HS2ST1: variants seen among roughly 807,000 people sequenced by gnomAD.
HS2ST1 encodes 2-O-sulfotransferase.
A neutral mutation model predicts 42.9 loss-of-function variants in HS2ST1; 18 were observed. The ratio of observed to expected loss-of-function variants is 0.42; its 90% CI spans 0.29 to 0.62. HS2ST1 has a LOEUF of 0.62. Among genes scored for constraint, HS2ST1 ranks in the 20% least tolerant of loss-of-function variants. The pLI is 0.21. For synonymous variants in HS2ST1, 146 were observed against 152.9 expected (o/e 0.95, Z 0.33); for missense variants, 334 against 433.8 (o/e 0.77, Z 2.04).
At chr1:86,956,329 C>A (rs1024702668) in intron 1 of HS2ST1, among the ~76,000 whole-genome samples, 1 of 152,184 alleles carries the variant, frequency 6.6e-6, no homozygotes, top group Non-Finnish European at 1.5e-5. Context: ...AGAGAACCTG[C>A]AGGCAAAGCC....
chr1:87,094,640 G>A (rs1205734290), intron 4 of HS2ST1, among the ~76,000 whole-genome samples: 3 of 151,930 alleles, frequency 2.0e-5, no homozygotes, highest in East Asian at 1.9e-4. Context: ...CATGTCACTC[G>A]ACATTTTTCT....
chr1:87,013,969 G>A (rs1649678726), intron 1 of HS2ST1, among the ~76,000 whole-genome samples: 1 of 152,124 alleles, frequency 6.6e-6, no homozygotes, highest in African/African-American at 2.4e-5. Context: ...CTCTATCTGA[G>A]ATGAGCAGCA....
At position 87,104,603 on chromosome 1, in the gene HS2ST1, C is replaced by T; in HGVS notation, c.978C>T (p.Phe326=). ...FYEFALEQFQ[F]IRAHAVREKD... The stretch of plus-strand genomic sequence containing the variant: ...AATTTGCACTAGAGCAGTTCCAATT[C>T]ATCAGAGCCCATGCCGTTCGAGAAA... Residue 326 remains phenylalanine, a synonymous_variant, in exon 7 of 7, where the codon TTC becomes TTT. Coordinates refer to ENST00000370550, the MANE Select transcript of HS2ST1 (RefSeq NM_012262.4). The T allele has an allele frequency of 6.2e-7, 1 of 1,613,372 alleles. No individual in the cohort carries two copies. The highest frequency in any genetic ancestry group is 8.5e-7 in the Non-Finnish European group (1 of 1,179,366).
intron 1 of HS2ST1, among the ~76,000 whole-genome samples, chr1:87,048,880 A>G (rs934395978): frequency 5.9e-5 from 9 of 152,136 alleles, no homozygotes; most frequent in East Asian, 1.9e-4. Context: ...TTTTGCCTCT[A>G]TAAGGGATTT....
chr1:86,960,648 A>G, intron 1 of HS2ST1, among the ~76,000 whole-genome samples: 1 of 152,224 alleles, frequency 6.6e-6, no homozygotes, highest in East Asian at 1.9e-4. Flanking sequence ...GAGAAGATAT[A>G]CAGATGGCAA....
chr1:87,026,202 C>T (rs1336557357), intron 1 of HS2ST1, among the ~76,000 whole-genome samples: 1 of 152,182 alleles, frequency 6.6e-6, no homozygotes, highest in Non-Finnish European at 1.5e-5. Context: ...ATACAGTTCC[C>T]AGTGAAGTCA....
At chr1:87,045,895 C>A in intron 1 of HS2ST1, 1 of 700,192 alleles carries the variant, frequency 1.4e-6, no homozygotes, top group Non-Finnish European at 2.7e-6. Context: ...CCTTAAGAAC[C>A]TTGTGCTCAC....
chr1:87,080,356 A>G (rs1481775537), intron 2 of HS2ST1, among the ~76,000 whole-genome samples: 2 of 152,206 alleles, frequency 1.3e-5, no homozygotes, highest in African/African-American at 4.8e-5. Flanking sequence ...GAAATAAACA[A>G]TTGAGAGAGT....
At chr1:87,009,822 C>T (rs1649544175) in intron 1 of HS2ST1, among the ~76,000 whole-genome samples, 1 of 151,976 alleles carries the variant, frequency 6.6e-6, no homozygotes, top group Non-Finnish European at 1.5e-5. Flanking sequence ...ATCACGAGGT[C>T]AGGAGATCGA....
intron 1 of HS2ST1, among the ~76,000 whole-genome samples, chr1:87,027,531 CAT>C (rs1650118698): frequency 6.6e-6 from 1 of 152,038 alleles, no homozygotes; most frequent in Non-Finnish European, 1.5e-5. Context: ...AACATTATCA[CAT>C]AATTTTATAC....
intron 1 of HS2ST1, among the ~76,000 whole-genome samples, chr1:87,018,132 CCACACACACACA>C (rs56401098): frequency 2.3e-4 from 34 of 149,326 alleles, no homozygotes; most frequent in Middle Eastern, 3.4e-3. Flanking sequence ...TAAATAAAAG[CCACACACACACA>C]CACACACACA....
intron 1 of HS2ST1, among the ~76,000 whole-genome samples, chr1:87,066,816 A>G (rs935495143): frequency 1.6e-4 from 24 of 151,862 alleles, no homozygotes; most frequent in African/African-American, 5.8e-4. Context: ...GAGTGAGAAC[A>G]TGTGGTGTTT....
At chr1:86,976,446 TAGAA>T (rs1648401470) in intron 1 of HS2ST1, among the ~76,000 whole-genome samples, 1 of 152,108 alleles carries the variant, frequency 6.6e-6, no homozygotes, top group South Asian at 2.1e-4. Context: ...GGATATAAGT[TAGAA>T]AGACTAAAGC....
intron 1 of HS2ST1, among the ~76,000 whole-genome samples, chr1:87,036,259 A>T (rs1650373501): frequency 6.6e-6 from 1 of 152,144 alleles, no homozygotes; most frequent in Non-Finnish European, 1.5e-5. Flanking sequence ...GCTGCAGTAA[A>T]CATACATGTG....
At chr1:87,048,666 GCTTCT>G (rs1650757184) in intron 1 of HS2ST1, among the ~76,000 whole-genome samples, 2 of 151,612 alleles carry the variant, frequency 1.3e-5, no homozygotes, top group Non-Finnish European at 2.9e-5. Context: ...TTTTTATCAT[GCTTCT>G]AGTCCCAGTT....
At chr1:87,104,351 A>G in intron 6 of HS2ST1, 119 bp from the exon 7 acceptor site, 1 of 671,454 alleles carries the variant, frequency 1.5e-6, no homozygotes, top group African/African-American at 1.8e-5. Context: ...ATATAAGACA[A>G]TTATGTTACC....
At chr1:87,028,635 A>C (rs1650148846) in intron 1 of HS2ST1, among the ~76,000 whole-genome samples, 1 of 152,248 alleles carries the variant, frequency 6.6e-6, no homozygotes, top group Non-Finnish European at 1.5e-5. Flanking sequence ...ATATTTTAAC[A>C]GTGGGTATAT....
At chr1:86,944,944 T>G (rs1647285666) in intron 1 of HS2ST1, among the ~76,000 whole-genome samples, 1 of 152,014 alleles carries the variant, frequency 6.6e-6, no homozygotes, top group Non-Finnish European at 1.5e-5. Context: ...AACATAAGAT[T>G]CATTCCTTTG....
chr1:86,939,607 G>C (rs1311526379), intron 1 of HS2ST1, among the ~76,000 whole-genome samples: 1 of 152,168 alleles, frequency 6.6e-6, no homozygotes, highest in Non-Finnish European at 1.5e-5. Context: ...GCTGGTGCAT[G>C]TGTCCCACCC....
Sources: allele counts gnomAD v4.1 joint callset (sites outside exome capture counted in the v4.1 genomes callset), GRCh38; gene constraint gnomAD v4.1.1; transcripts MANE v1.5; gene names NCBI Gene and HGNC (gene_info 2026-07-23, HGNC 2026-07-21).